Variants in TOGARAM1 observed in about 807,000 individuals in gnomAD.
TOGARAM1 encodes the protein TOG array regulator of axonemal microtubules 1, also known as TOG array regulator of axonemal microtubules protein 1.
In TOGARAM1, 100 loss-of-function variants were observed where a neutral mutation model predicts 166.6. The ratio of observed to expected loss-of-function variants is 0.60; its 90% CI spans 0.51 to 0.71. The LOEUF is 0.71. TOGARAM1 is among the 30% of genes least tolerant of loss of function. The pLI is 0.00. For synonymous variants in TOGARAM1, 758 were observed against 763.8 expected (o/e 0.99, Z 0.13); for missense variants, 2,029 against 2,102.7 (o/e 0.96, Z 0.69).
chr14:44,968,242 T>A (rs1288294792), intron 1 of TOGARAM1, among the ~76,000 whole-genome samples: 1 of 152,220 alleles, frequency 6.6e-6, no homozygotes, highest in Non-Finnish European at 1.5e-5. Flanking sequence ...ATGCATATTT[T>A]AAATTATTAG....
rs772255568 is a variant in TOGARAM1, at chr14:44,962,694, G to A, written c.273G>A (p.Gly91=). 1 of 1,614,176 alleles carries A rather than the reference G, an allele frequency of 6.2e-7. No homozygotes were observed. The highest frequency in any genetic ancestry group is 8.5e-7 in the Non-Finnish European group (1 of 1,180,042). Residue 91 remains glycine, a synonymous_variant, in exon 1 of 20, where the codon GGG becomes GGA. Transcript: ENST00000361462. ...SWSESGGGLS[G]GDEEDTRLLQ... is the part of the protein sequence containing the mutation. ...CTGAGTCTGGAGGCGGTTTGTCAGG[G>A]GGAGATGAAGAGGACACTCGGCTCC... is the stretch of plus-strand genomic sequence containing the variant.
chr14:45,071,775 A>G lies in TOGARAM1; in HGVS notation c.5033A>G (p.Gln1678Arg). The G allele has an allele frequency of 4.3e-6, 7 of 1,612,146 alleles. No homozygotes were observed. Among genetic ancestry groups the G allele is most frequent in the Non-Finnish European group, 5.9e-6 (7 of 1,179,422 alleles). Residue 1678 changes from glutamine to arginine, a missense_variant, in exon 19 of 20, where the codon CAG becomes CGG. Physicochemically the swap from Gln to Arg is conservative, Grantham distance 43. Around this residue, in one of 2 missense-constraint regions of TOGARAM1, gnomAD observed 576 missense variants for 670.5 expected, o/e 0.86. Transcript: ENST00000361462. The part of the protein sequence containing the change: ...KAQFLNGKAK[Q>R]DMTEKLADIV... ...CAGTTTTTAAATGGAAAAGCAAAAC[A>G]GGACATGACGGAAAAGCTTGCTGGT...
intron 1 of TOGARAM1, among the ~76,000 whole-genome samples, chr14:44,981,287 C>T (rs962890865): frequency 2.0e-5 from 3 of 152,014 alleles, no homozygotes; most frequent in Middle Eastern, 6.3e-3. Context: ...GATGGGCTGT[C>T]CAGTGAATGA....
intron 1 of TOGARAM1, among the ~76,000 whole-genome samples, chr14:44,964,844 G>T (rs1885425827): frequency 6.7e-6 from 1 of 150,316 alleles, no homozygotes; most frequent in Non-Finnish European, 1.5e-5. Context: ...TAGGAAAAAG[G>T]TCAGACCTGG....
At chr14:45,064,828 T>C (rs1883063671) in intron 16 of TOGARAM1, among the ~76,000 whole-genome samples, 1 of 152,216 alleles carries the variant, frequency 6.6e-6, no homozygotes, top group Non-Finnish European at 1.5e-5. Flanking sequence ...ATTTGTCTTA[T>C]GTTTTCTGTT....
intron 1 of TOGARAM1, among the ~76,000 whole-genome samples, chr14:44,970,389 G>A (rs1389167919): frequency 6.6e-6 from 1 of 152,088 alleles, no homozygotes; most frequent in African/African-American, 2.4e-5. Flanking sequence ...TTAACTTTGT[G>A]TCCTGCAAGC....
chr14:45,012,063 A>G lies in TOGARAM1; in HGVS notation c.3226A>G (p.Ser1076Gly), dbSNP rs1392268022. 1 of 1,603,428 alleles carries G rather than the reference A, an allele frequency of 6.2e-7. No homozygotes were observed. The highest frequency in any genetic ancestry group is 1.7e-5 in the Admixed American group (1 of 58,992). Residue 1076 changes from serine to glycine, a missense_variant, in exon 7 of 20, where the codon AGC becomes GGC. Ser to Gly is a moderately conservative substitution (Grantham distance 56, BLOSUM62 0). Coordinates refer to ENST00000361462, the MANE Select transcript of TOGARAM1 (RefSeq NM_001308120.2). ...AAAAATTTCTCATATTGCTGAACAAAGCCCCAGTGCAGGTATTCTATGTCT... is the reference window on the plus strand; with the variant it reads ...AAAAATTTCTCATATTGCTGAACAAGGCCCCAGTGCAGGTATTCTATGTCT... Reference protein sequence around the residue: ...KKKISHIAEQSPSAGSSSNPQ... With the variant: ...KKKISHIAEQGPSAGSSSNPQ...
intron 13 of TOGARAM1, among the ~76,000 whole-genome samples, chr14:45,045,627 GTATATATATACA>G (rs1882000208): frequency 1.6e-5 from 1 of 63,834 alleles, no homozygotes; most frequent in Non-Finnish European, 3.1e-5. Flanking sequence ...GTATATATAT[GTATATATATACA>G]TATATATACA....
At chr14:44,987,502 A>T (rs1433094224) in intron 1 of TOGARAM1, among the ~76,000 whole-genome samples, 1 of 152,244 alleles carries the variant, frequency 6.6e-6, no homozygotes, top group Non-Finnish European at 1.5e-5. Context: ...GACACATGAA[A>T]AAATGTTCTC....
chr14:45,012,608 C>A (rs566407715), intron 7 of TOGARAM1, among the ~76,000 whole-genome samples: 2 of 152,192 alleles, frequency 1.3e-5, no homozygotes, highest in South Asian at 4.1e-4. Flanking sequence ...AAGATTTGCA[C>A]TATGATCTAT....
intron 1 of TOGARAM1, among the ~76,000 whole-genome samples, chr14:44,987,745 C>G (rs1437712279): frequency 6.7e-6 from 1 of 149,636 alleles, no homozygotes; most frequent in African/African-American, 2.5e-5. Context: ...CCCAGCCATC[C>G]CATTACTGGG....
At chr14:45,045,543 GTATATATATATATATATATATATA>G (rs375962126) in intron 13 of TOGARAM1, among the ~76,000 whole-genome samples, 2 of 38,922 alleles carry the variant, frequency 5.1e-5, no homozygotes, top group African/African-American at 9.2e-5. Context: ...GTCTGTGTGT[GTATATATATATATATATATATATA>G]TATATATATA....
chr14:44,974,335 T>C (rs1483178178), intron 1 of TOGARAM1, among the ~76,000 whole-genome samples: 1 of 152,110 alleles, frequency 6.6e-6, no homozygotes, highest in African/African-American at 2.4e-5. Context: ...GTGTTTTTGA[T>C]TTCTAGGTTT....
rs150112449 is a variant in TOGARAM1 at position 45,034,343 on chromosome 14, G to C, written c.3812+1967G>C. Among the ~76,000 whole-genome samples the C allele has an allele frequency of 5.6e-3, 860 of 152,266 alleles. 8 individuals are homozygous for C. Among genetic ancestry groups the C allele is most frequent in the African/African-American group, 0.02 (823 of 41,552 alleles). On this transcript the variant is annotated intron_variant, in intron 11 of 19. Transcript: ENST00000361462. ...GGGAAAACAGGCAGATAGCATCAGA[G>C]ATGGACATGGTGCTGAGAGTTTGAG...
At chr14:45,030,620 A>G (rs2138916041) in intron 10 of TOGARAM1, among the ~76,000 whole-genome samples, 1 of 152,308 alleles carries the variant, frequency 6.6e-6, no homozygotes, top group Non-Finnish European at 1.5e-5. Flanking sequence ...AAAAAGTGAA[A>G]GGGGTCTATT....
intron 1 of TOGARAM1, among the ~76,000 whole-genome samples, chr14:44,985,683 C>T (rs1490104238): frequency 6.6e-6 from 1 of 152,214 alleles, no homozygotes; most frequent in Non-Finnish European, 1.5e-5. Flanking sequence ...CCCTTGCCCG[C>T]CGCTCACCTC....
chr14:45,013,069 C>T (rs1879907338), intron 7 of TOGARAM1, among the ~76,000 whole-genome samples: 1 of 152,214 alleles, frequency 6.6e-6, no homozygotes, highest in South Asian at 2.1e-4. Context: ...TCACTGCCCT[C>T]TTTGTATCTT....
At chr14:45,003,904 A>G (rs1327627555) in intron 3 of TOGARAM1, among the ~76,000 whole-genome samples, 157 bp from the exon 4 acceptor site, 1 of 138,926 alleles carries the variant, frequency 7.2e-6, no homozygotes, top group Non-Finnish European at 1.5e-5. Flanking sequence ...AGAATATTTG[A>G]ATAACACAAA....
chr14:44,963,017 C>G lies in TOGARAM1; in HGVS notation c.596C>G (p.Ala199Gly). 1 of 1,614,164 alleles carries G rather than the reference C, an allele frequency of 6.2e-7. No homozygotes were observed. The highest frequency in any genetic ancestry group is 1.3e-5 in the African/African-American group (1 of 75,046). Residue 199 changes from alanine (A) to glycine (G), a missense_variant, in exon 1 of 20, where the codon GCG becomes GGG. Physicochemically the swap from Ala to Gly is moderately conservative, Grantham distance 60. Coordinates refer to ENST00000361462, the MANE Select transcript of TOGARAM1 (RefSeq NM_001308120.2). ...GAGAATCCAGCCCTGCGGAAAGATG[C>G]GCTGCAGATCCTTCATATATGTCTG... ...REENPALRKD[A>G]LQILHICLKR... is the part of the protein sequence containing the mutation.
Sources: gnomAD v4.1 joint callset for allele counts (sites outside exome capture counted in the v4.1 genomes callset) on GRCh38, gnomAD v4.1.1 for gene constraint, gnomAD v4.1.1 regional missense constraint, MANE v1.5 for transcripts, NCBI Gene and HGNC (gene_info 2026-07-23, HGNC 2026-07-21) for gene names.